Variants in SLCO1A2 observed in about 807,000 individuals in gnomAD.
SLCO1A2 encodes OATP-1.
SLCO1A2 carries 67 observed loss-of-function variants against 69.0 expected under a neutral mutation model. The observed-to-expected ratio is 0.97, with a 90% CI of 0.80 to 1.19. SLCO1A2 has a LOEUF of 1.19. Among genes scored for constraint, SLCO1A2 ranks in the 50% most tolerant of loss-of-function variants. The pLI, the probability that SLCO1A2 is intolerant of heterozygous loss-of-function variation, is 0.00. For synonymous variants in SLCO1A2, 260 were observed against 265.9 expected (o/e 0.98, Z 0.22); for missense variants, 787 against 793.7 (o/e 0.99, Z 0.10).
At position 21,392,565 on chromosome 12, in the gene SLCO1A2, G is replaced by T. The variant is rs892546125; in HGVS notation, c.-190+2341C>A. On this transcript the variant is annotated intron_variant, in intron 1 of 15. Coordinates refer to the SLCO1A2 transcript ENST00000307378. ...TTACCTCCCCCTAACAGAAGTGAAA[G>T]TGGGACACACAGCACAACTCTCTCT... Among the ~76,000 whole-genome samples, 3 of 152,170 alleles carry T rather than the reference G, an allele frequency of 2.0e-5. No homozygotes were observed. In the East Asian group the frequency reaches 5.8e-4, roughly 29 times the overall value.
chr12:21,354,697 T>A (rs1591873716), intron 2 of SLCO1A2, among the ~76,000 whole-genome samples: 1 of 152,136 alleles, frequency 6.6e-6, no homozygotes, highest in African/African-American at 2.4e-5. Context: ...AAATTCAAAT[T>A]TCTGTTTTTT....
rs1193098915 is a variant in SLCO1A2 at position 21,294,077 on chromosome 12, G to C, written c.1305C>G (p.Ile435Met). The C allele has an allele frequency of 3.1e-6, 5 of 1,605,034 alleles. No individual in the cohort carries two copies. The highest frequency in any genetic ancestry group is 4.3e-6 in the Non-Finnish European group (5 of 1,176,128). Residue 435 changes from isoleucine (I) to methionine (M), a missense_variant, in exon 11 of 15, where the codon ATC (isoleucine) becomes ATG (methionine). Coordinates refer to ENST00000683939, the MANE Select transcript of SLCO1A2 (RefSeq NM_001386879.1). Reference sequence around the variant, plus strand: ...TGCAATCCACATTGCAATCAGCAAAGATGTCATTTTCCACATATAAATCTT... The same window carrying C: ...TGCAATCCACATTGCAATCAGCAAACATGTCATTTTCCACATATAAATCTT... ...IPQDLYVEND[I>M]FADCNVDCNC...
chr12:21,377,032 T>C (rs964053729), intron 1 of SLCO1A2, among the ~76,000 whole-genome samples: 1 of 152,186 alleles, frequency 6.6e-6, no homozygotes, highest in Non-Finnish European at 1.5e-5. Context: ...AGAGTTGGTA[T>C]ACAAATAAAT....
chr12:21,406,352 G>GA (rs1941824226), intron 1 of SLCO1A2, among the ~76,000 whole-genome samples: 2 of 126,842 alleles, frequency 1.6e-5, no homozygotes, highest in African/African-American at 5.9e-5. Flanking sequence ...TAGTTTGAAG[G>GA]ACAGACAGAA....
chr12:21,405,426 A>C (rs753551309), intron 1 of SLCO1A2, among the ~76,000 whole-genome samples: 1 of 152,072 alleles, frequency 6.6e-6, no homozygotes, highest in Non-Finnish European at 1.5e-5. Context: ...CTACTTCAAA[A>C]TTCATATGGA....
Position 21,265,934 on chromosome 12 carries a change from CA to C in SLCO1A2, c.*3613del. Reference sequence around the variant, plus strand: ...TTTTAACATCTACAACCTCTTCTACCAGGAGCTGTCTCTGATAATCACCTTG... The same window carrying C: ...TTTTAACATCTACAACCTCTTCTACCGGAGCTGTCTCTGATAATCACCTTG... On this transcript the variant is annotated 3_prime_UTR_variant, in exon 15 of 15. Transcript: ENST00000683939. The C allele has an allele frequency of 6.6e-6, 1 of 152,154 alleles. No homozygotes were observed. Among genetic ancestry groups the C allele is most frequent in the African/African-American group, 2.4e-5 (1 of 41,530 alleles). 9.4% of individuals were successfully genotyped at this position (152,154 alleles called of 1,614,324 possible).
intron 7 of SLCO1A2, among the ~76,000 whole-genome samples, chr12:21,300,855 A>T (rs1162164896): frequency 6.6e-6 from 1 of 152,182 alleles, no homozygotes; most frequent in Non-Finnish European, 1.5e-5. Flanking sequence ...GTTCTATTTC[A>T]TCATCAACAA....
intron 14 of SLCO1A2, among the ~76,000 whole-genome samples, chr12:21,272,580 CATTAAT>C (rs1261651813): frequency 6.6e-6 from 1 of 151,884 alleles, no homozygotes; most frequent in East Asian, 1.9e-4. Context: ...TTGTTGAAAT[CATTAAT>C]ATAACTACAG....
At chr12:21,414,012 T>C (rs1212264482) in intron 1 of SLCO1A2, among the ~76,000 whole-genome samples, 1 of 152,184 alleles carries the variant, frequency 6.6e-6, no homozygotes, top group African/African-American at 2.4e-5. Context: ...TGAAACAAAA[T>C]TAGTTACCTA....
At chr12:21,405,520 T>C (rs952611594) in intron 1 of SLCO1A2, among the ~76,000 whole-genome samples, 2 of 152,090 alleles carry the variant, frequency 1.3e-5, no homozygotes, top group Admixed American at 6.6e-5. Context: ...ATACCCAAAC[T>C]TCAAACTATG....
At position 21,314,803 on chromosome 12, in the gene SLCO1A2, G is replaced by C. The variant is rs1402561837; in HGVS notation, c.203-122C>G. The C allele has an allele frequency of 2.1e-5, 16 of 753,576 alleles. No homozygotes were observed. The East Asian group carries it at 4.3e-4, about 20-fold the overall frequency. The allele number at this position is 753,576 out of a possible 1,614,324, so 46.7% of individuals were successfully genotyped here. On this transcript the variant is annotated intron_variant, in intron 3 of 14. Transcript: ENST00000683939. ...ACAACTATCTTAAATACTTGGATTT[G>C]TGCTAGGGTTGCATTAAATAATAAA...
intron 4 of SLCO1A2, among the ~76,000 whole-genome samples, chr12:21,308,705 T>G (rs113449898): frequency 7.2e-5 from 11 of 152,328 alleles, no homozygotes; most frequent in Non-Finnish European, 1.5e-4. Flanking sequence ...AAGGAACAGA[T>G]TGAAGAATTC....
intron 1 of SLCO1A2, among the ~76,000 whole-genome samples, chr12:21,414,279 CT>C (rs569224454): frequency 0.034 from 5,039 of 146,318 alleles, 137 homozygotes; most frequent in Non-Finnish European, 0.05. Flanking sequence ...CGTCCAGCCT[CT>C]TTTTTTTTTT....
intron 1 of SLCO1A2, among the ~76,000 whole-genome samples, chr12:21,412,146 C>T (rs1941916702): frequency 6.6e-6 from 1 of 152,100 alleles, no homozygotes; most frequent in Non-Finnish European, 1.5e-5. Flanking sequence ...TTTGGGAGGC[C>T]AAGGCGGGCG....
At chr12:21,390,068 G>A (rs749029100) in intron 1 of SLCO1A2, among the ~76,000 whole-genome samples, 1 of 151,772 alleles carries the variant, frequency 6.6e-6, no homozygotes, top group African/African-American at 2.4e-5. Flanking sequence ...TGTTACGCTA[G>A]ATCACCATGT....
chr12:21,287,002 T>C (rs1374458919), intron 12 of SLCO1A2, among the ~76,000 whole-genome samples: 1 of 140,310 alleles, frequency 7.1e-6, no homozygotes, highest in African/African-American at 2.7e-5. Context: ...AAGCCAAAAT[T>C]GACAAATGGG....
At chr12:21,373,470 T>A in intron 2 of SLCO1A2, 1 of 1,389,074 alleles carries the variant, frequency 7.2e-7, no homozygotes, top group Non-Finnish European at 1.0e-6. Flanking sequence ...GTAACTTTTG[T>A]AAAGTGTGAG....
At chr12:21,335,835 G>A (rs919405855), upstream of SLCO1A2, among the ~76,000 whole-genome samples, 1 of 152,124 alleles carries the variant, frequency 6.6e-6, no homozygotes, top group Non-Finnish European at 1.5e-5. Context: ...TCTACTCTGT[G>A]CCAGTCATGG....
At chr12:21,319,201 T>C (rs1951268045) in intron 2 of SLCO1A2, among the ~76,000 whole-genome samples, 1 of 152,210 alleles carries the variant, frequency 6.6e-6, no homozygotes, top group South Asian at 2.1e-4. Flanking sequence ...TTCTAAGTAA[T>C]ACATAGCTGA....
Sources: gnomAD v4.1 joint callset for allele counts (sites outside exome capture counted in the v4.1 genomes callset) on GRCh38, gnomAD v4.1.1 for gene constraint, MANE v1.5 for transcripts, NCBI Gene and HGNC (gene_info 2026-07-23, HGNC 2026-07-21) for gene names.